ADARB1: variants seen among roughly 807,000 people sequenced by gnomAD.
ADARB1 encodes the protein double-stranded RNA-specific editase 1.
A neutral mutation model predicts 52.4 loss-of-function variants in ADARB1; 10 were observed. That is an observed-to-expected ratio of 0.19 (90% CI 0.12 to 0.32). The LOEUF is 0.32. ADARB1 is among the 10% of genes least tolerant of loss of function. The pLI, the probability that ADARB1 is intolerant of heterozygous loss-of-function variation, is 1.00. For synonymous variants in ADARB1, 349 were observed against 371.1 expected, an observed-to-expected ratio of 0.94 and a Z score of 0.68; for missense variants, 643 against 922.3, an observed-to-expected ratio of 0.70 and a Z score of 3.92.
At chr21:45,178,509 C>G (rs554885378) in intron 4 of ADARB1, among the ~76,000 whole-genome samples, 3 of 152,218 alleles carry the variant, frequency 2.0e-5, no homozygotes, top group Admixed American at 1.3e-4. Flanking sequence ...AGGATAGCCC[C>G]GGAATGTGAC....
Position 45,180,431 on chromosome 21 carries a change from C to A in ADARB1, c.1065C>A (p.Val355=). 1 of 1,613,592 alleles carries A rather than the reference C, an allele frequency of 6.2e-7. No homozygotes were observed. Among genetic ancestry groups the A allele is most frequent in the Non-Finnish European group, 8.5e-7 (1 of 1,179,674 alleles). ...PHARRKVLAG[V]VMTTGTDVKD... The stretch of plus-strand genomic sequence containing the variant: ...CTCGCAGAAAAGTGCTGGCTGGAGT[C>A]GTCATGACAACAGGTAACCATCTTG... The change falls in exon 5 of 11, where the codon GTC becomes GTA. Residue 355 remains valine (V), a synonymous_variant. Coordinates refer to ENST00000348831, the MANE Select transcript of ADARB1 (RefSeq NM_001112.4).
intron 2 of ADARB1, among the ~76,000 whole-genome samples, chr21:45,164,642 A>C (rs1354600286): frequency 6.6e-6 from 1 of 152,038 alleles, no homozygotes; most frequent in Non-Finnish European, 1.5e-5. Context: ...ACAGGGAAGC[A>C]CCCCAGGAAG....
At chr21:45,174,317 A>G (rs2091601757) in intron 3 of ADARB1, among the ~76,000 whole-genome samples, 1 of 152,190 alleles carries the variant, frequency 6.6e-6, no homozygotes, top group South Asian at 2.1e-4. Context: ...CTTGGGCTCC[A>G]TGTGACAGCT....
intron 1 of ADARB1, among the ~76,000 whole-genome samples, chr21:45,089,885 G>A (rs549043514): frequency 4.6e-5 from 7 of 152,294 alleles, no homozygotes; most frequent in Admixed American, 1.3e-4. Flanking sequence ...GGGAACATGC[G>A]TCTTCCTTTC....
At chr21:45,186,436 G>T (rs1323669170) in intron 8 of ADARB1, among the ~76,000 whole-genome samples, 2 of 152,152 alleles carry the variant, frequency 1.3e-5, no homozygotes, top group Non-Finnish European at 2.9e-5. Context: ...GTTTCTTGGG[G>T]CATATATTCA....
intron 8 of ADARB1, among the ~76,000 whole-genome samples, chr21:45,191,866 ATATATATATATATATTTTTTTTTTTTTT>A: frequency 7.3e-5 from 1 of 13,714 alleles, no homozygotes; most frequent in African/African-American, 2.1e-4. Flanking sequence ...ATATATATAT[ATATATATATATATATTTTTTTTTTTTTT>A]TTTTTTTTTT....
Position 45,224,660 on chromosome 21 carries a change from G to T in ADARB1, c.*2463G>T, listed in dbSNP as rs1158376632. 150 of 951,916 alleles carry T rather than the reference G, an allele frequency of 1.6e-4. No individual in the cohort carries two copies. The African/African-American group carries it at 2.6e-3, about 17-fold the overall frequency. The allele number at this position is 951,916 out of a possible 1,614,324, so 59.0% of individuals were successfully genotyped here. On this transcript the variant is annotated 3_prime_UTR_variant, in exon 11 of 11. Transcript: ENST00000348831. Reference sequence around the variant, plus strand: ...CGGGGTGGCTGTCAGGGGGAACTGGGTTCCGGGAGCCCTGGGCCGGGGCAG... The same window carrying T: ...CGGGGTGGCTGTCAGGGGGAACTGGTTTCCGGGAGCCCTGGGCCGGGGCAG...
At chr21:45,113,724 G>A (rs539052538) in intron 1 of ADARB1, among the ~76,000 whole-genome samples, 1 of 152,204 alleles carries the variant, frequency 6.6e-6, no homozygotes, top group South Asian at 2.1e-4. Context: ...TGCAGCACAT[G>A]AGGGTTCTTC....
At chr21:45,134,007 GGT>G (rs2089160859) in intron 2 of ADARB1, among the ~76,000 whole-genome samples, 1 of 130,092 alleles carries the variant, frequency 7.7e-6, no homozygotes. Context: ...GCGCCCGACG[GGT>G]GTGTGTGCCC....
intron 7 of ADARB1, among the ~76,000 whole-genome samples, chr21:45,184,036 T>C (rs1461634608): frequency 2.6e-5 from 4 of 152,210 alleles, no homozygotes; most frequent in Non-Finnish European, 5.9e-5. Flanking sequence ...TTATTCCAAA[T>C]AGAACGTTTT....
chr21:45,101,341 G>A (rs1404447988), intron 1 of ADARB1, among the ~76,000 whole-genome samples: 1 of 152,220 alleles, frequency 6.6e-6, no homozygotes, highest in African/African-American at 2.4e-5. Flanking sequence ...GCTGCCCAGC[G>A]GGCTTTAGCA....
rs942918776 is a variant in ADARB1, at chr21:45,178,904, C to T, written c.964-1426C>T. On this transcript the variant is annotated intron_variant, in intron 4 of 10. Transcript: ENST00000348831. ...CGTTAACAAGCATCAGCCCCAGCAC[C>T]AGACCTTCAGAGTGAGGCTCTCGGA... is the stretch of plus-strand genomic sequence containing the variant. Among the ~76,000 whole-genome samples the T allele has an allele frequency of 3.3e-5, 5 of 152,154 alleles. No individual in the cohort carries two copies. The East Asian group carries it at 9.6e-4, about 29-fold the overall frequency.
At chr21:45,139,413 T>C (rs2089583141) in intron 2 of ADARB1, among the ~76,000 whole-genome samples, 1 of 152,222 alleles carries the variant, frequency 6.6e-6, no homozygotes, top group Non-Finnish European at 1.5e-5. Context: ...TTTTCCTGAT[T>C]TCCTTGATTT....
intron 2 of ADARB1, among the ~76,000 whole-genome samples, chr21:45,154,642 T>C (rs190787507): frequency 1.1e-4 from 17 of 152,320 alleles, no homozygotes. Context: ...ACTCCTGGAT[T>C]ATACTTGCAG....
chr21:45,147,994 C>T (rs555559217), intron 2 of ADARB1, among the ~76,000 whole-genome samples: 5 of 152,180 alleles, frequency 3.3e-5, no homozygotes, highest in Admixed American at 6.5e-5. Flanking sequence ...CAGGGCCTTG[C>T]GGTACAGCCC....
Position 45,082,149 on chromosome 21 carries a change from T to G in ADARB1, c.-220+7356T>G, listed in dbSNP as rs1023659434. Among the ~76,000 whole-genome samples, 8 of 152,200 alleles carry G rather than the reference T, an allele frequency of 5.3e-5. No homozygotes were observed. In the East Asian group the frequency reaches 1.5e-3, roughly 29 times the overall value. On this transcript the variant is annotated intron_variant, in intron 1 of 10. Coordinates refer to ENST00000348831, the MANE Select transcript of ADARB1 (RefSeq NM_001112.4). ...TGCCACGTTCCAGAGGATCTCAGGTTAGGAGTCTTCAACTAGAGACCTCAT... is the reference window on the plus strand; with the variant it reads ...TGCCACGTTCCAGAGGATCTCAGGTGAGGAGTCTTCAACTAGAGACCTCAT...
At position 45,220,661 on chromosome 21, in the gene ADARB1, T is replaced by C. The variant is rs1246242635; in HGVS notation, c.1748-175T>C. 1.3e-5 allele frequency among the ~76,000 whole-genome samples: 2 copies of C among 152,224 alleles called. No individual in the cohort carries two copies. ...CTATTCTGGTGGCCGTGGAAGAGTGTGAGGCCACTGCCACGGCAGATGCAC... is the reference window on the plus strand; with the variant it reads ...CTATTCTGGTGGCCGTGGAAGAGTGCGAGGCCACTGCCACGGCAGATGCAC... On this transcript the variant is annotated intron_variant, in intron 9 of 10. Transcript: ENST00000348831. The surrounding 1 kb of genome is among the most constrained non-coding windows in gnomAD (Gnocchi z 6.3).
intron 8 of ADARB1, among the ~76,000 whole-genome samples, chr21:45,194,554 CT>C (rs2092382143): frequency 1.3e-5 from 2 of 151,596 alleles, no homozygotes; most frequent in Admixed American, 6.6e-5. Context: ...CTGTTCACCC[CT>C]CTCACCTCCT....
intron 1 of ADARB1, among the ~76,000 whole-genome samples, chr21:45,093,936 T>C (rs894623944): frequency 6.6e-6 from 1 of 152,236 alleles, no homozygotes; most frequent in Non-Finnish European, 1.5e-5. Context: ...AATAACTCGC[T>C]TTTTAGCACT....
Sources: allele counts gnomAD v4.1 joint callset (sites outside exome capture counted in the v4.1 genomes callset), GRCh38; gene constraint gnomAD v4.1.1; non-coding constraint Gnocchi (gnomAD v3.1); transcripts MANE v1.5; gene names NCBI Gene and HGNC (gene_info 2026-07-23, HGNC 2026-07-21).